SNX24: variants seen among roughly 807,000 people sequenced by gnomAD.
The protein encoded by SNX24 is sorting nexin-24.
A neutral mutation model predicts 28.7 loss-of-function variants in SNX24; 22 were observed. That is an observed-to-expected ratio of 0.77 (90% CI 0.55 to 1.10). The LOEUF (loss-of-function observed/expected upper bound fraction) is 1.10, where lower values mean the gene tolerates loss of function less well. SNX24 is among the 50% of genes least tolerant of loss of function. SNX24 has a pLI of 0.00. For synonymous variants in SNX24, 69 were observed against 71.5 expected, an observed-to-expected ratio of 0.96 and a Z score of 0.18; for missense variants, 221 against 201.1, an observed-to-expected ratio of 1.10 and a Z score of -0.60.
chr5:122,969,521 T>A (rs1480712966), intron 3 of SNX24, among the ~76,000 whole-genome samples: 3 of 152,204 alleles, frequency 2.0e-5, no homozygotes, highest in Non-Finnish European at 1.5e-5. Flanking sequence ...ATTTTTGCTA[T>A]TTCCCGACCC....
intron 1 of SNX24, among the ~76,000 whole-genome samples, chr5:122,861,751 T>C (rs1755470068): frequency 6.6e-6 from 1 of 152,062 alleles, no homozygotes; most frequent in Non-Finnish European, 1.5e-5. Flanking sequence ...GTATTTGAAA[T>C]ATGCTAGTCC....
intron 3 of SNX24, among the ~76,000 whole-genome samples, chr5:122,950,998 T>G (rs1440619896): frequency 6.6e-6 from 1 of 152,096 alleles, no homozygotes; most frequent in African/African-American, 2.4e-5. Context: ...CCGGGCTTGG[T>G]GGCTCACGCC....
In SNX24 at chr5:123,005,604, A is replaced by G. The variant is rs145958824; in HGVS notation, c.443-2078A>G. Among the ~76,000 whole-genome samples the G allele has an allele frequency of 2.2e-3, 336 of 152,298 alleles. 1 individual carries two copies. Among genetic ancestry groups the G allele is most frequent in the African/African-American group, 7.9e-3 (327 of 41,554 alleles). ...TCCTTTTAAGCTAAATATACTTACA[A>G]TGTAATTTCACTGACCTTCAAATCG... On this transcript the variant is annotated intron_variant, in intron 6 of 6. Coordinates refer to ENST00000261369, the MANE Select transcript of SNX24 (RefSeq NM_014035.4).
chr5:123,023,006 G>A (rs1762784894), intron 5 of SNX24, among the ~76,000 whole-genome samples: 1 of 152,142 alleles, frequency 6.6e-6, no homozygotes, highest in Non-Finnish European at 1.5e-5. Flanking sequence ...TCACTATGTT[G>A]CCCAGGCTGG....
intron 1 of SNX24, among the ~76,000 whole-genome samples, chr5:122,861,466 G>A (rs760215191): frequency 1.4e-4 from 21 of 152,202 alleles, no homozygotes; most frequent in South Asian, 4.1e-4. Context: ...GGATGATGGG[G>A]AATATGGTAA....
intron 1 of SNX24, among the ~76,000 whole-genome samples, chr5:122,888,054 A>G (rs375723530): frequency 6.6e-6 from 1 of 152,114 alleles, no homozygotes; most frequent in African/African-American, 2.4e-5. Flanking sequence ...ATGTCTACCT[A>G]TATATGTTTC....
chr5:122,970,799 A>G (rs907676972), intron 3 of SNX24, among the ~76,000 whole-genome samples: 1 of 152,140 alleles, frequency 6.6e-6, no homozygotes, highest in African/African-American at 2.4e-5. Flanking sequence ...TGTCAGCCAC[A>G]CTAGTTTACT....
At chr5:122,971,482 T>A (rs753737991) in intron 3 of SNX24, among the ~76,000 whole-genome samples, 2 of 152,202 alleles carry the variant, frequency 1.3e-5, no homozygotes, top group Non-Finnish European at 2.9e-5. Context: ...CTTGAACCCA[T>A]ACACATCTCC....
intron 1 of SNX24, among the ~76,000 whole-genome samples, chr5:122,847,433 T>C (rs1050901662): frequency 2.0e-5 from 3 of 152,036 alleles, no homozygotes; most frequent in Non-Finnish European, 4.4e-5. Context: ...GTTTGCTCTT[T>C]AAATATTTGC....
chr5:122,942,455 TC>T (rs1221677346), intron 2 of SNX24, among the ~76,000 whole-genome samples: 1 of 152,256 alleles, frequency 6.6e-6, no homozygotes, highest in African/African-American at 2.4e-5. Flanking sequence ...CCCAAGTGTT[TC>T]CCGCTTCTTT....
chr5:122,907,162 C>A (rs1447840163), intron 1 of SNX24, among the ~76,000 whole-genome samples: 1 of 152,202 alleles, frequency 6.6e-6, no homozygotes, highest in Non-Finnish European at 1.5e-5. Flanking sequence ...GGAGTAACTT[C>A]AGGCTCCAAA....
chr5:122,862,109 G>A lies in SNX24; in HGVS notation c.60+16416G>A, dbSNP rs570428240. Among the ~76,000 whole-genome samples the A allele has an allele frequency of 3.3e-5, 5 of 152,266 alleles. No individual in the cohort carries two copies. In the East Asian group the frequency reaches 7.7e-4, roughly 24 times the overall value. On this transcript the variant is annotated intron_variant, in intron 1 of 6. Transcript: ENST00000261369. ...AGGGAGGGAAATCATTTTAGGCTCA[G>A]GGAATTGTATGGAGAAGGGTAAGAA...
intron 3 of SNX24, among the ~76,000 whole-genome samples, chr5:122,954,713 G>A (rs1024160903): frequency 4.4e-5 from 4 of 90,106 alleles, no homozygotes; most frequent in South Asian, 4.5e-4. Flanking sequence ...TCTTGTCTTC[G>A]TGGTTTCTGA....
intron 3 of SNX24, among the ~76,000 whole-genome samples, chr5:122,980,569 A>G (rs915777285): frequency 6.6e-6 from 1 of 151,932 alleles, no homozygotes; most frequent in Non-Finnish European, 1.5e-5. Flanking sequence ...TTCTAGTAGT[A>G]GAAAACTCAA....
chr5:122,890,084 T>C (rs2150069599), intron 1 of SNX24, among the ~76,000 whole-genome samples: 1 of 152,274 alleles, frequency 6.6e-6, no homozygotes, highest in East Asian at 1.9e-4. Context: ...TAGACTGTCC[T>C]TCAATTTGGC....
chr5:122,910,023 A>G (rs1757813965), intron 1 of SNX24, among the ~76,000 whole-genome samples: 2 of 152,256 alleles, frequency 1.3e-5, no homozygotes, highest in East Asian at 1.9e-4. Flanking sequence ...GCAGAAAGAT[A>G]TCAGTTTATT....
In SNX24 at chr5:123,003,903, C is replaced by G. The variant is rs146234235; in HGVS notation, c.442+1899C>G. Among the ~76,000 whole-genome samples, 178 of 152,260 alleles carry G rather than the reference C, an allele frequency of 1.2e-3. 2 individuals are homozygous for G. Among genetic ancestry groups the G allele is most frequent in the Middle Eastern group, 3.4e-3 (1 of 294 alleles). The stretch of plus-strand genomic sequence containing the variant: ...GGTATGGAAGGACCAGTCACCAGAT[C>G]TGTTTTCTTGGAATTTTGACCAATC... On this transcript the variant is annotated intron_variant, in intron 6 of 6. Transcript: ENST00000261369.
At chr5:122,926,708 G>A (rs1001062110) in intron 1 of SNX24, among the ~76,000 whole-genome samples, 3 of 152,184 alleles carry the variant, frequency 2.0e-5, no homozygotes, top group African/African-American at 7.2e-5. Flanking sequence ...AGTGAGATAT[G>A]GTTTCCAAAA....
At chr5:122,946,003 C>A in intron 2 of SNX24, 52 bp from the exon 3 acceptor site, 1 of 954,710 alleles carries the variant, frequency 1.0e-6, no homozygotes. Flanking sequence ...CTATAATTAA[C>A]AGACATCTCT....
Sources: allele counts gnomAD v4.1 joint callset (sites outside exome capture counted in the v4.1 genomes callset), GRCh38; gene constraint gnomAD v4.1.1; transcripts MANE v1.5; gene names NCBI Gene and HGNC (gene_info 2026-07-23, HGNC 2026-07-21).